The following ITGA11 variants were observed in gnomAD, a reference collection of about 807,000 sequenced individuals.
ITGA11 encodes integrin alpha-11.
A neutral mutation model predicts 141.9 loss-of-function variants in ITGA11; 97 were observed. That is an observed-to-expected ratio of 0.68 (90% CI 0.58 to 0.81). ITGA11 has a LOEUF of 0.81. ITGA11 is among the 30% of genes least tolerant of loss of function. ITGA11 has a pLI of 0.00. For missense variants in ITGA11, 1,387 were observed against 1,559.2 expected, an observed-to-expected ratio of 0.89 and a Z score of 1.86; for synonymous variants, 658 against 624.6, an observed-to-expected ratio of 1.05 and a Z score of -0.80.
intron 2 of ITGA11, among the ~76,000 whole-genome samples, chr15:68,374,451 G>A (rs1542474): frequency 0.039 from 5,950 of 152,262 alleles, 361 homozygotes; most frequent in African/African-American, 0.12. Flanking sequence ...GCCAGGGAGA[G>A]AAGTGCTGTG....
Position 68,324,385 on chromosome 15 carries a change from G to A in ITGA11, c.2322+746C>T, listed in dbSNP as rs991712667. 6.6e-6 allele frequency among the ~76,000 whole-genome samples: 1 copy of A among 152,214 alleles called. No homozygotes were observed. The highest frequency in any genetic ancestry group is 2.4e-5 in the African/African-American group (1 of 41,448). Reference sequence around the variant, plus strand: ...CGTTGCTCAGAGACTGGACCTCACAGAATGGCTTAAGAGCACCGTGGTGTG... The same window carrying A: ...CGTTGCTCAGAGACTGGACCTCACAAAATGGCTTAAGAGCACCGTGGTGTG... On this transcript the variant is annotated intron_variant, in intron 18 of 29. Transcript: ENST00000315757. The surrounding 1 kb of genome is among the most constrained non-coding windows in gnomAD (Gnocchi z 6.3).
rs1894054953 is a variant in ITGA11, at chr15:68,328,464, G to A, written c.1902-202C>T. On this transcript the variant is annotated intron_variant, in intron 15 of 29. Coordinates refer to ENST00000315757, the MANE Select transcript of ITGA11 (RefSeq NM_001004439.2). This position sits in a 1 kb window ranked among gnomAD's most constrained non-coding sequence, Gnocchi z 4.8. ...TGGCAAGAGCGAGCACGGGGCGAAAGGGGCTCAGCCACCTCATGGCCCCTC... is the reference window on the plus strand; with the variant it reads ...TGGCAAGAGCGAGCACGGGGCGAAAAGGGCTCAGCCACCTCATGGCCCCTC... Among the ~76,000 whole-genome samples, 1 of 152,150 alleles carries A rather than the reference G, an allele frequency of 6.6e-6. No homozygotes were observed. The highest frequency in any genetic ancestry group is 2.4e-5 in the African/African-American group (1 of 41,426).
intron 26 of ITGA11, among the ~76,000 whole-genome samples, chr15:68,309,714 C>A (rs887489553): frequency 6.6e-6 from 1 of 151,694 alleles, no homozygotes; most frequent in African/African-American, 2.4e-5. Context: ...CTTGCCCAGC[C>A]CGAGTCGCTG....
At chr15:68,364,590 G>T in intron 4 of ITGA11, 117 bp downstream of exon 4, 1 of 803,298 alleles carries the variant, frequency 1.2e-6, no homozygotes. Context: ...CTTGGTGGTT[G>T]GAGTGGGGGA....
chr15:68,322,411 C>T lies in ITGA11; in HGVS notation c.2323-908G>A, dbSNP rs1376424223. ...TTCGGGCAAGAGATGACGCTGGTGT[C>T]GGTGTGGTAGTGGGCATGAGAGGAG... On this transcript the variant is annotated intron_variant, in intron 18 of 29. Coordinates refer to ENST00000315757, the MANE Select transcript of ITGA11 (RefSeq NM_001004439.2). This position sits in a 1 kb window ranked among gnomAD's most constrained non-coding sequence, Gnocchi z 5.6. Among the ~76,000 whole-genome samples, 4 of 151,882 alleles carry T rather than the reference C, an allele frequency of 2.6e-5. No individual in the cohort carries two copies. The highest frequency in any genetic ancestry group is 1.3e-4 in the Admixed American group (2 of 15,248).
chr15:68,344,572 A>T (rs959510970), intron 10 of ITGA11, among the ~76,000 whole-genome samples: 4 of 152,012 alleles, frequency 2.6e-5, no homozygotes, highest in East Asian at 3.9e-4. Context: ...ATACCTCCAG[A>T]GGGGGACTAG....
intron 5 of ITGA11, among the ~76,000 whole-genome samples, chr15:68,360,442 G>A (rs747856250): frequency 1.3e-5 from 2 of 152,084 alleles, no homozygotes; most frequent in African/African-American, 2.4e-5. Context: ...TCCTAAACAT[G>A]GCTGAACACT....
intron 2 of ITGA11, among the ~76,000 whole-genome samples, chr15:68,382,300 C>G (rs1311485649): frequency 2.0e-5 from 3 of 152,214 alleles, no homozygotes; most frequent in Non-Finnish European, 4.4e-5. Flanking sequence ...CAGAGAGGAT[C>G]TGCTGTCACA....
intron 7 of ITGA11, among the ~76,000 whole-genome samples, chr15:68,355,132 T>C (rs1257869683): frequency 2.0e-5 from 3 of 152,200 alleles, no homozygotes; most frequent in Admixed American, 1.3e-4. Context: ...AGCTTCACAC[T>C]GAGAAAGTGA....
chr15:68,357,413 G>T, intron 6 of ITGA11, 114 bp from the exon 7 acceptor site: 1 of 1,271,552 alleles, frequency 7.9e-7, no homozygotes, highest in Non-Finnish European at 1.1e-6. Context: ...ACAGGAGGGA[G>T]GAGGGCTGAG....
rs376493016 is a variant in ITGA11, at chr15:68,328,313, C to T, written c.1902-51G>A. ...GGGTGGGGCAGGGGCTCAGGCTGCCCTGCTGTGACCATGGGGAAAGACAAG... is the reference window on the plus strand; with the variant it reads ...GGGTGGGGCAGGGGCTCAGGCTGCCTTGCTGTGACCATGGGGAAAGACAAG... On this transcript the variant is annotated intron_variant, in intron 15 of 29. Transcript: ENST00000315757. This position sits in a 1 kb window ranked among gnomAD's most constrained non-coding sequence, Gnocchi z 4.8. 4.4e-4 allele frequency: 681 copies of T among 1,542,614 alleles called. 4 individuals are homozygous for T. In the African/African-American group the frequency reaches 8.6e-3, roughly 19 times the overall value.
rs771983985 is a variant in ITGA11, at chr15:68,315,731, C to G, written c.2716-4G>C. 6.2e-7 allele frequency: 1 copy of G among 1,608,216 alleles called. No individual in the cohort carries two copies. On this transcript the variant is annotated splice_polypyrimidine_tract_variant and splice_region_variant and intron_variant, in intron 21 of 29. Transcript: ENST00000315757. ...CAAAATCAAGACGGAAAGCCACCTG[C>G]AAGGAAGCAGTCGCATGTCTGGGCA...
chr15:68,396,782 A>G (rs891664287), intron 2 of ITGA11, among the ~76,000 whole-genome samples: 4 of 147,882 alleles, frequency 2.7e-5, no homozygotes, highest in Non-Finnish European at 5.9e-5. Context: ...AGTAAAAAAG[A>G]TTGAAAAATG....
Position 68,402,965 on chromosome 15 carries a change from G to C in ITGA11, c.117C>G (p.Ala39=), listed in dbSNP as rs373703942. The part of the protein sequence containing the change: ...KPRVIPGSRT[A]FFGYTVQQHD... ...GCTGCTGCACTGTGTAGCCAAAGAA[G>C]GCGGTCCTGGAGCCAGGGATGACCC... The change falls in exon 2 of 30, where the codon GCC becomes GCG. Residue 39 remains alanine, a synonymous_variant. Transcript: ENST00000315757. 2.7e-5 allele frequency: 43 copies of C among 1,613,744 alleles called. No homozygotes were observed. Among genetic ancestry groups the C allele is most frequent in the Non-Finnish European group, 3.6e-5 (42 of 1,179,844 alleles).
rs112567199 is a variant in ITGA11, at chr15:68,316,471, C to A, written c.2716-744G>T. ...CCCCTTCTCTGCAGGAGTGGCTGGG[C>A]GTGGGTGGGGAAGCCTGGGCTATGT... On this transcript the variant is annotated intron_variant, in intron 21 of 29. Transcript: ENST00000315757. Among the ~76,000 whole-genome samples, 4 of 152,178 alleles carry A rather than the reference C, an allele frequency of 2.6e-5. No homozygotes were observed. In the East Asian group the frequency reaches 7.7e-4, roughly 29 times the overall value.
chr15:68,335,584 G>T lies in ITGA11; in HGVS notation c.1425+113C>A. On this transcript the variant is annotated intron_variant, in intron 12 of 29. Coordinates refer to ENST00000315757, the MANE Select transcript of ITGA11 (RefSeq NM_001004439.2). This position sits in a 1 kb window ranked among gnomAD's most constrained non-coding sequence, Gnocchi z 4.9. ...AGCATGAAGGTGGCTGGAGGAACAT[G>T]ACTGCCCTTTGGGGCACCCAGTGGT... is the stretch of plus-strand genomic sequence containing the variant. The T allele has an allele frequency of 1.6e-6, 2 of 1,236,238 alleles. No individual in the cohort carries two copies. Among genetic ancestry groups the T allele is most frequent in the South Asian group, 2.7e-5 (2 of 72,798 alleles). 76.6% of individuals were successfully genotyped at this position (1,236,238 alleles called of 1,614,324 possible).
intron 2 of ITGA11, among the ~76,000 whole-genome samples, chr15:68,396,701 T>C (rs1176205506): frequency 1.3e-5 from 2 of 150,840 alleles, no homozygotes; most frequent in Admixed American, 1.3e-4. Flanking sequence ...TTATTAGAAA[T>C]AATAAATGAC....
chr15:68,356,549 T>C (rs1157728028), intron 7 of ITGA11, among the ~76,000 whole-genome samples: 1 of 152,244 alleles, frequency 6.6e-6, no homozygotes, highest in African/African-American at 2.4e-5. Context: ...ATAGAGTGTC[T>C]GTGGCAGAAG....
chr15:68,348,155 G>A (rs1321792706), intron 10 of ITGA11, among the ~76,000 whole-genome samples: 1 of 152,222 alleles, frequency 6.6e-6, no homozygotes, highest in Non-Finnish European at 1.5e-5. Flanking sequence ...CCAGCACCAG[G>A]TGAAGCACAC....
Sources: allele counts gnomAD v4.1 joint callset (sites outside exome capture counted in the v4.1 genomes callset), GRCh38; gene constraint gnomAD v4.1.1; non-coding constraint Gnocchi (gnomAD v3.1); transcripts MANE v1.5; gene names NCBI Gene and HGNC (gene_info 2026-07-23, HGNC 2026-07-21).